The following USP34 variants were observed in gnomAD, a reference collection of about 807,000 sequenced individuals.
USP34 encodes ubiquitin carboxyl-terminal hydrolase 34.
USP34 carries 70 observed loss-of-function variants against 460.3 expected under a neutral mutation model. The observed-to-expected ratio is 0.15, with a 90% CI of 0.13 to 0.19. The LOEUF (loss-of-function observed/expected upper bound fraction) is 0.19, where lower values mean the gene tolerates loss of function less well. Ranked by LOEUF, USP34 falls within the 10% of genes least tolerant of loss-of-function variation. The pLI is 1.00. For synonymous variants in USP34, 1,647 were observed against 1,405.3 expected (o/e 1.17, Z -3.85); for missense variants, 3,985 against 4,236.2 (o/e 0.94, Z 1.65).
chr2:61,433,558 C>G (rs1694735350), intron 1 of USP34, among the ~76,000 whole-genome samples: 2 of 152,102 alleles, frequency 1.3e-5, no homozygotes, highest in South Asian at 4.1e-4. Context: ...CACTTGAACC[C>G]AGGAGGCAGA....
chr2:61,357,293 A>G (rs57583021), intron 10 of USP34, among the ~76,000 whole-genome samples: 5,219 of 152,302 alleles, frequency 0.034, 298 homozygotes, highest in African/African-American at 0.12. Context: ...GGAAAACTGG[A>G]CAACGCACAA....
chr2:61,190,135 C>A, intron 78 of USP34, 136 bp downstream of exon 78: 1 of 1,244,526 alleles, frequency 8.0e-7, no homozygotes, highest in Non-Finnish European at 1.1e-6. Flanking sequence ...GTATTTAAAA[C>A]TTGTTTTTTT....
intron 1 of USP34, among the ~76,000 whole-genome samples, chr2:61,436,577 G>A (rs1335367984): frequency 1.3e-5 from 2 of 152,184 alleles, no homozygotes; most frequent in Non-Finnish European, 1.5e-5. Flanking sequence ...TCTAACGGGA[G>A]AGACAGACCT....
chr2:61,314,445 T>C (rs1041075740), intron 25 of USP34, 140 bp downstream of exon 25: 4 of 695,758 alleles, frequency 5.7e-6, no homozygotes, highest in Non-Finnish European at 4.2e-6. Context: ...AAATTACTTA[T>C]GTTACTGATC....
At chr2:61,338,491 T>A (rs1239604136) in intron 18 of USP34, among the ~76,000 whole-genome samples, 2 of 152,188 alleles carry the variant, frequency 1.3e-5, no homozygotes, top group Admixed American at 1.3e-4. Flanking sequence ...CTTTTAAAAT[T>A]CAATAGGGGA....
intron 76 of USP34, chr2:61,190,887 G>A (rs1422691809): frequency 7.2e-6 from 3 of 419,580 alleles, no homozygotes; most frequent in South Asian, 8.0e-5. Flanking sequence ...GCTGGGGGAA[G>A]ACACTGATGC....
intron 1 of USP34, among the ~76,000 whole-genome samples, chr2:61,427,560 C>T (rs1322444923): frequency 6.6e-6 from 1 of 152,096 alleles, no homozygotes; most frequent in African/African-American, 2.4e-5. Context: ...TCAAAATAGC[C>T]GTGTTGAGGA....
chr2:61,306,044 T>C (rs951797678), intron 27 of USP34, among the ~76,000 whole-genome samples: 2 of 152,210 alleles, frequency 1.3e-5, no homozygotes, highest in African/African-American at 4.8e-5. Context: ...CTGTTCACTC[T>C]GATGGTAGTT....
In USP34 at chr2:61,239,300, TCACACACACACACACACA is replaced by T. The variant is rs60152908; in HGVS notation, c.6777+2242_6777+2259del. On this transcript the variant is annotated intron_variant, in intron 53 of 79. Coordinates refer to ENST00000398571, the MANE Select transcript of USP34 (RefSeq NM_014709.4). ...TTCCTCACTTTAAATGAGGGCCCTGTCACACACACACACACACACACACACACACACACACACACACAC... is the reference window on the plus strand; with the variant it reads ...TTCCTCACTTTAAATGAGGGCCCTGTCACACACACACACACACACACACAC... 2.4e-3 allele frequency among the ~76,000 whole-genome samples: 324 copies of T among 132,856 alleles called. 4 individuals carry two copies. The South Asian group carries it at 0.052, about 21-fold the overall frequency. The allele number at this position is 132,856 out of a possible 152,430, so 87.2% of individuals were successfully genotyped here.
intron 16 of USP34, 124 bp downstream of exon 16, chr2:61,343,691 G>C: frequency 1.0e-6 from 1 of 976,560 alleles, no homozygotes. Context: ...ACTACCATAT[G>C]TAAGTTATTT....
rs1229381346 is a variant in USP34, at chr2:61,408,895, C to CA, written c.132-2768dup. Among the ~76,000 whole-genome samples, 8 of 151,640 alleles carry CA rather than the reference C, an allele frequency of 5.3e-5. No individual in the cohort carries two copies. In the South Asian group the frequency reaches 8.4e-4, roughly 16 times the overall value. On this transcript the variant is annotated intron_variant, in intron 2 of 79. Coordinates refer to ENST00000398571, the MANE Select transcript of USP34 (RefSeq NM_014709.4). ...GGAGACAGAGTGAGACACTCCCTCT[C>CA]AAAAAAACAAACAAAAACAAAGTGA... is the stretch of plus-strand genomic sequence containing the variant.
intron 41 of USP34, among the ~76,000 whole-genome samples, chr2:61,273,433 C>T (rs1177096885): frequency 6.6e-6 from 1 of 152,120 alleles, no homozygotes; most frequent in Non-Finnish European, 1.5e-5. Context: ...AAATGGACTA[C>T]CTTGGTCAGG....
chr2:61,304,571 A>C (rs188315014), intron 27 of USP34, among the ~76,000 whole-genome samples: 1 of 152,352 alleles, frequency 6.6e-6, no homozygotes, highest in Admixed American at 6.5e-5. Flanking sequence ...AGAGGCTCAA[A>C]GGAGCTTGCT....
At chr2:61,305,089 G>A (rs1220709652) in intron 27 of USP34, among the ~76,000 whole-genome samples, 1 of 152,168 alleles carries the variant, frequency 6.6e-6, no homozygotes, top group Non-Finnish European at 1.5e-5. Context: ...ACTTTGGGAG[G>A]CCGAGGTGGG....
At chr2:61,331,610 TATTATCA>T (rs1691265549) in intron 19 of USP34, among the ~76,000 whole-genome samples, 1 of 152,068 alleles carries the variant, frequency 6.6e-6, no homozygotes, top group South Asian at 2.1e-4. Flanking sequence ...GTGAAAGTAC[TATTATCA>T]ATGACTAATT....
chr2:61,265,748 A>T (rs1311912154), intron 42 of USP34, 191 bp from the exon 43 acceptor site: 2 of 731,514 alleles, frequency 2.7e-6, no homozygotes, highest in Non-Finnish European at 3.8e-6. Context: ...AAGACTTTTA[A>T]AACTTGATTT....
intron 67 of USP34, among the ~76,000 whole-genome samples, chr2:61,217,564 C>A (rs924302802): frequency 1.3e-5 from 2 of 152,160 alleles, no homozygotes; most frequent in African/African-American, 4.8e-5. Context: ...AACAATGTTT[C>A]CCAACTGAAG....
chr2:61,330,600 A>C (rs1427594929), intron 20 of USP34, among the ~76,000 whole-genome samples: 1 of 152,156 alleles, frequency 6.6e-6, no homozygotes, highest in African/African-American at 2.4e-5. Flanking sequence ...CTTCTTCATT[A>C]ATATGCCAGT....
chr2:61,339,330 A>T (rs1185270009), intron 18 of USP34, 21 bp downstream of exon 18: 1 of 1,597,114 alleles, frequency 6.3e-7, no homozygotes, highest in South Asian at 1.2e-5. Context: ...CTGCATTAAA[A>T]ATTTTTAAAT....
Sources: allele counts gnomAD v4.1 joint callset (sites outside exome capture counted in the v4.1 genomes callset), GRCh38; gene constraint gnomAD v4.1.1; transcripts MANE v1.5; gene names NCBI Gene and HGNC (gene_info 2026-07-23, HGNC 2026-07-21).